Variants in CYP3A43 observed in about 807,000 individuals in gnomAD.
The protein encoded by CYP3A43 is cytochrome P450 3A43.
A neutral mutation model predicts 58.0 loss-of-function variants in CYP3A43; 45 were observed. The ratio of observed to expected loss-of-function variants is 0.78; its 90% CI spans 0.61 to 0.99. The LOEUF is 0.99. Among genes scored for constraint, CYP3A43 ranks in the 50% least tolerant of loss-of-function variants. The pLI is 0.00. For synonymous variants in CYP3A43, 191 were observed against 201.4 expected (o/e 0.95, Z 0.44); for missense variants, 593 against 591.9 (o/e 1.00, Z -0.02).
chr7:99,859,748 G>A, intron 9 of CYP3A43, 82 bp from the exon 10 acceptor site: 1 of 1,562,538 alleles, frequency 6.4e-7, no homozygotes, highest in Non-Finnish European at 8.7e-7. Flanking sequence ...GGATTTGGGA[G>A]CTTCACTGGA....
intron 7 of CYP3A43, among the ~76,000 whole-genome samples, chr7:99,853,593 G>A (rs946949016): frequency 6.6e-6 from 1 of 151,870 alleles, no homozygotes; most frequent in Non-Finnish European, 1.5e-5. Flanking sequence ...TTTTGCTCTT[G>A]CCGCTCAGGC....
intron 4 of CYP3A43, among the ~76,000 whole-genome samples, chr7:99,846,933 A>T (rs1817560201): frequency 6.6e-6 from 1 of 152,210 alleles, no homozygotes; most frequent in Admixed American, 6.5e-5. Context: ...CCTGGGGGGA[A>T]AATAAAAGAA....
chr7:99,839,900 CCACCCTAATCTTTTA>C (rs1467920041), intron 3 of CYP3A43, among the ~76,000 whole-genome samples: 3 of 152,196 alleles, frequency 2.0e-5, no homozygotes, highest in Middle Eastern at 3.4e-3. Context: ...GTTGGCTGCC[CCACCCTAATCTTTTA>C]TTATGCAGAT....
intron 5 of CYP3A43, chr7:99,847,804 G>A (rs192211385): frequency 4.3e-6 from 3 of 696,832 alleles, no homozygotes; most frequent in East Asian, 3.3e-5. Context: ...CTGAGGTTAG[G>A]AGATTGAGAC....
chr7:99,844,851 A>C (rs1817480433), intron 4 of CYP3A43, among the ~76,000 whole-genome samples: 3 of 152,124 alleles, frequency 2.0e-5, no homozygotes, highest in African/African-American at 7.2e-5. Flanking sequence ...TGGGTGGATC[A>C]CGAGGTCAGG....
chr7:99,853,185 T>A (rs1817828564), intron 7 of CYP3A43, among the ~76,000 whole-genome samples: 1 of 152,242 alleles, frequency 6.6e-6, no homozygotes. Flanking sequence ...AATTCTCCTT[T>A]AAATATTAGG....
chr7:99,852,319 G>C (rs1019502030), intron 7 of CYP3A43, among the ~76,000 whole-genome samples: 2 of 152,108 alleles, frequency 1.3e-5, no homozygotes, highest in African/African-American at 4.8e-5. Context: ...AAATCAACTT[G>C]TCAATTTCTA....
intron 7 of CYP3A43, among the ~76,000 whole-genome samples, chr7:99,852,822 T>A (rs1481085896): frequency 6.6e-6 from 1 of 152,204 alleles, no homozygotes; most frequent in Non-Finnish European, 1.5e-5. Flanking sequence ...AGTTGCTGAG[T>A]GTTTTTATCA....
Position 99,849,955 on chromosome 7 carries a change from A to ATTTTTTTTTTTTTTT in CYP3A43, c.670+268_670+282dup, listed in dbSNP as rs71515286. 8.2e-6 allele frequency: 3 copies of ATTTTTTTTTTTTTTT among 363,670 alleles called. 1 individual carries two copies. Among genetic ancestry groups the ATTTTTTTTTTTTTTT allele is most frequent in the African/African-American group, 7.3e-5 (2 of 27,372 alleles). 22.5% of individuals were successfully genotyped at this position (363,670 alleles called of 1,614,324 possible). On this transcript the variant is annotated intron_variant, in intron 7 of 12. Coordinates refer to ENST00000354829, the MANE Select transcript of CYP3A43 (RefSeq NM_057095.3). ...TCATCCCCTTCCAATCTTCCTCACCATTTTTTTTTTTTTTTTTTTTTAGAC... is the reference window on the plus strand; with the variant it reads ...TCATCCCCTTCCAATCTTCCTCACCATTTTTTTTTTTTTTTTTTTTTTTTTTTTTTTTTTTTAGAC...
intron 7 of CYP3A43, 153 bp from the exon 8 acceptor site, chr7:99,855,438 G>T (rs1325159406): frequency 1.2e-5 from 12 of 990,976 alleles, no homozygotes; most frequent in Non-Finnish European, 1.6e-5. Flanking sequence ...AGGGGCAAAG[G>T]TCATACAGGA....
In CYP3A43 at chr7:99,863,538, T is replaced by C. The variant is rs755312409; in HGVS notation, c.1255T>C (p.Phe419Leu). 6.3e-7 allele frequency: 1 copy of C among 1,595,332 alleles called. No individual in the cohort carries two copies. Among genetic ancestry groups the C allele is most frequent in the Admixed American group, 1.8e-5 (1 of 55,000 alleles). ...TTTTATGTACTACTGTGAAAGTAGGTTCAGTAAGAAGAACAAGGACAGCAT... is the reference window on the plus strand; with the variant it reads ...TTTTATGTACTACTGTGAAAGTAGGCTCAGTAAGAAGAACAAGGACAGCAT... ...TEPEKFCPER[F>L]SKKNKDSIDL... The change falls in exon 12 of 13, where the codon TTC becomes CTC. Residue 419 changes from phenylalanine to leucine, a missense_variant and splice_region_variant. By Grantham distance (22) the Phe-to-Leu change is conservative (BLOSUM62 0). Coordinates refer to ENST00000354829, the MANE Select transcript of CYP3A43 (RefSeq NM_057095.3).
chr7:99,839,474 C>T, intron 3 of CYP3A43: 1 of 576,144 alleles, frequency 1.7e-6, no homozygotes, highest in South Asian at 1.5e-5. Flanking sequence ...TACCTTACTG[C>T]CTTCCTTTTT....
At chr7:99,850,258 T>C (rs370953778) in intron 7 of CYP3A43, among the ~76,000 whole-genome samples, 13 of 149,882 alleles carry the variant, frequency 8.7e-5, no homozygotes, top group South Asian at 4.3e-4. Context: ...CCTGGCCTTT[T>C]TTTCTTTCTT....
At chr7:99,832,301 A>T (rs1816876526) in intron 1 of CYP3A43, among the ~76,000 whole-genome samples, 1 of 151,898 alleles carries the variant, frequency 6.6e-6, no homozygotes, top group African/African-American at 2.4e-5. Flanking sequence ...CCCCAGCCAA[A>T]TCTCATCTTG....
intron 1 of CYP3A43, among the ~76,000 whole-genome samples, chr7:99,830,084 T>A (rs2151585006): frequency 6.6e-6 from 1 of 152,256 alleles, no homozygotes; most frequent in Middle Eastern, 3.4e-3. Flanking sequence ...AAGCTAACTC[T>A]TATGTTCTCC....
At chr7:99,842,652 C>T (rs182878572) in intron 3 of CYP3A43, among the ~76,000 whole-genome samples, 72 of 152,272 alleles carry the variant, frequency 4.7e-4, no homozygotes, top group African/African-American at 1.6e-3. Context: ...TCTGACCAAA[C>T]TCACTATGCC....
intron 4 of CYP3A43, among the ~76,000 whole-genome samples, chr7:99,844,761 T>G (rs1338003179): frequency 1.3e-5 from 2 of 152,204 alleles, no homozygotes; most frequent in African/African-American, 4.8e-5. Flanking sequence ...TTGTCGCTGG[T>G]GTTTTTTCTA....
At chr7:99,830,841 A>G (rs1052988381) in intron 1 of CYP3A43, among the ~76,000 whole-genome samples, 3 of 152,216 alleles carry the variant, frequency 2.0e-5, no homozygotes, top group Non-Finnish European at 4.4e-5. Context: ...CTGTTAGTTC[A>G]TTTCTCAGAC....
chr7:99,849,955 ATTTTTTTT>A, intron 7 of CYP3A43: 2 of 362,796 alleles, frequency 5.5e-6, no homozygotes, highest in Admixed American at 6.8e-5. Flanking sequence ...CTTCCTCACC[ATTTTTTTT>A]TTTTTTTTTT....
Sources: allele counts gnomAD v4.1 joint callset (sites outside exome capture counted in the v4.1 genomes callset), GRCh38; gene constraint gnomAD v4.1.1; transcripts MANE v1.5; gene names NCBI Gene and HGNC (gene_info 2026-07-23, HGNC 2026-07-21).